PRKG1: variants seen among roughly 807,000 people sequenced by gnomAD.
PRKG1 encodes cGMP-dependent protein kinase 1.
Under a neutral mutation model 88.1 loss-of-function variants are expected in PRKG1, and 35 were observed. That is an observed-to-expected ratio of 0.40 (90% CI 0.30 to 0.53). PRKG1 has a LOEUF of 0.53. PRKG1 is among the 20% of genes least tolerant of loss of function. PRKG1 has a pLI of 0.59. For missense variants in PRKG1, 540 were observed against 839.8 expected (o/e 0.64, Z 4.41); for synonymous variants, 303 against 292.5 (o/e 1.04, Z -0.37).
chr10:51,968,822 A>G (rs1462236124), intron 5 of PRKG1, among the ~76,000 whole-genome samples: 1 of 45,140 alleles, frequency 2.2e-5, no homozygotes, highest in African/African-American at 1.4e-4. Flanking sequence ...AACTCCATCA[A>G]AAAAAAAAAA....
chr10:52,135,828 A>G (rs113595110), intron 8 of PRKG1, among the ~76,000 whole-genome samples: 36 of 152,202 alleles, frequency 2.4e-4, no homozygotes, highest in African/African-American at 7.2e-4. Context: ...AGAATTGCCT[A>G]CATGTGGTTA....
At chr10:52,212,771 C>T (rs186886243) in intron 9 of PRKG1, among the ~76,000 whole-genome samples, 1 of 152,056 alleles carries the variant, frequency 6.6e-6, no homozygotes, top group Non-Finnish European at 1.5e-5. Context: ...TTTTATTATG[C>T]TTTAACTGGA....
rs1837210643 is a variant in PRKG1 at position 51,553,842 on chromosome 10, GTATTAGATA to G, written c.592+86007_592+86015del. 3.1e-5 allele frequency among the ~76,000 whole-genome samples: 3 copies of G among 96,112 alleles called. No individual in the cohort carries two copies. The South Asian group carries it at 1.3e-3, about 41-fold the overall frequency. 63.1% of individuals were successfully genotyped at this position (96,112 alleles called of 152,430 possible). On this transcript the variant is annotated intron_variant, in intron 3 of 17. Coordinates refer to ENST00000373980, the MANE Select transcript of PRKG1 (RefSeq NM_006258.4). ...AGATACGTGTATATAATATATGTAT[GTATTAGATA>G]CGTGTATATAATATATGTATGTATT... is the stretch of plus-strand genomic sequence containing the variant.
At chr10:51,324,571 CAA>C (rs34429733) in intron 2 of PRKG1, among the ~76,000 whole-genome samples, 7,868 of 84,384 alleles carry the variant, frequency 0.093, 408 homozygotes, top group East Asian at 0.21. Flanking sequence ...ACTAAAAATA[CAA>C]AAAAAAAAAA....
At chr10:51,694,076 G>C (rs1234857768) in intron 3 of PRKG1, among the ~76,000 whole-genome samples, 1 of 152,068 alleles carries the variant, frequency 6.6e-6, no homozygotes, top group Non-Finnish European at 1.5e-5. Flanking sequence ...TTCTTGATAA[G>C]AGACTGATGA....
At chr10:51,797,951 A>G (rs898813096) in intron 3 of PRKG1, among the ~76,000 whole-genome samples, 1 of 152,004 alleles carries the variant, frequency 6.6e-6, no homozygotes, top group African/African-American at 2.4e-5. Flanking sequence ...TTCCATGTTT[A>G]TCTATGTTAT....
At chr10:51,670,748 AT>A (rs752313839) in intron 3 of PRKG1, among the ~76,000 whole-genome samples, 18,628 of 105,672 alleles carry the variant, frequency 0.18, 1,586 homozygotes, top group Non-Finnish European at 0.2. Context: ...AAAAAAATAA[AT>A]AAATAAATAA....
At chr10:51,193,913 A>G (rs903345485) in intron 2 of PRKG1, among the ~76,000 whole-genome samples, 1 of 152,184 alleles carries the variant, frequency 6.6e-6, no homozygotes, top group Non-Finnish European at 1.5e-5. Flanking sequence ...GACATTTCTT[A>G]GGAAAGCAAC....
At chr10:51,113,493 G>T (rs373309313) in intron 1 of PRKG1, among the ~76,000 whole-genome samples, 47 of 152,006 alleles carry the variant, frequency 3.1e-4, no homozygotes, top group African/African-American at 1.1e-3. Context: ...ATCTTATGTT[G>T]TTCCTCACAG....
At chr10:51,564,796 A>G (rs2132155774) in intron 3 of PRKG1, among the ~76,000 whole-genome samples, 1 of 151,834 alleles carries the variant, frequency 6.6e-6, no homozygotes, top group Middle Eastern at 3.4e-3. Flanking sequence ...TTTTTCATTC[A>G]CTCTTCATAT....
chr10:51,626,629 T>C (rs927206111), intron 3 of PRKG1, among the ~76,000 whole-genome samples: 7 of 152,184 alleles, frequency 4.6e-5, no homozygotes, highest in Middle Eastern at 3.2e-3. Context: ...ATCTTTTACA[T>C]AGCAACAATC....
At chr10:51,284,006 T>C (rs1156906041) in intron 2 of PRKG1, among the ~76,000 whole-genome samples, 2 of 152,234 alleles carry the variant, frequency 1.3e-5, no homozygotes, top group Non-Finnish European at 2.9e-5. Context: ...CAGAACTGTC[T>C]GCTATACATA....
chr10:50,997,855 A>C (rs945841117), intron 1 of PRKG1, among the ~76,000 whole-genome samples: 61 of 152,212 alleles, frequency 4.0e-4, no homozygotes, highest in Admixed American at 3.9e-3. Flanking sequence ...AAGGGAAAAG[A>C]AAAATATGTG....
intron 3 of PRKG1, among the ~76,000 whole-genome samples, chr10:51,588,451 ATC>A (rs1315033222): frequency 1.3e-5 from 2 of 152,192 alleles, no homozygotes; most frequent in African/African-American, 4.8e-5. Context: ...CCTTACAACT[ATC>A]TGCTCAATAG....
chr10:52,199,985 A>G (rs1401650701), intron 9 of PRKG1, among the ~76,000 whole-genome samples: 2 of 152,078 alleles, frequency 1.3e-5, no homozygotes, highest in Non-Finnish European at 2.9e-5. Flanking sequence ...TTTTATTTCT[A>G]TTCTTTCATT....
chr10:51,943,170 T>A (rs1842948445), intron 5 of PRKG1, among the ~76,000 whole-genome samples: 1 of 152,098 alleles, frequency 6.6e-6, no homozygotes, highest in Admixed American at 6.6e-5. Flanking sequence ...GTCCTTCACG[T>A]CCCTTGGAAG....
chr10:51,713,464 C>T (rs1841809844), intron 3 of PRKG1, among the ~76,000 whole-genome samples: 2 of 152,092 alleles, frequency 1.3e-5, no homozygotes, highest in African/African-American at 2.4e-5. Context: ...TGGTTGCTTC[C>T]TTATTAAAAC....
intron 1 of PRKG1, among the ~76,000 whole-genome samples, chr10:51,136,441 G>A (rs1174332075): frequency 2.0e-5 from 3 of 151,992 alleles, no homozygotes; most frequent in Non-Finnish European, 4.4e-5. Flanking sequence ...ATTATCTCAG[G>A]AGAATATGTT....
chr10:51,610,179 C>T (rs1375978936), intron 3 of PRKG1, among the ~76,000 whole-genome samples: 1 of 152,030 alleles, frequency 6.6e-6, no homozygotes. Context: ...ATGTACAATA[C>T]ACTGTCATTA....
Sources: allele counts gnomAD v4.1 joint callset (sites outside exome capture counted in the v4.1 genomes callset), GRCh38; gene constraint gnomAD v4.1.1; transcripts MANE v1.5; gene names NCBI Gene and HGNC (gene_info 2026-07-23, HGNC 2026-07-21).